The following PHF20 variants were observed in gnomAD, a reference collection of about 807,000 sequenced individuals.
The protein encoded by PHF20 is PHD finger protein 20.
A neutral mutation model predicts 113.5 loss-of-function variants in PHF20; 23 were observed. That is an observed-to-expected ratio of 0.20 (90% CI 0.15 to 0.29). PHF20 has a LOEUF of 0.29. Ranked by LOEUF, PHF20 falls within the 10% of genes least tolerant of loss-of-function variation. The pLI is 1.00. For synonymous variants in PHF20, 434 were observed against 457.3 expected (o/e 0.95, Z 0.65); for missense variants, 943 against 1,219.6 (o/e 0.77, Z 3.38).
At chr20:35,925,913 G>A (rs2055620805) in intron 13 of PHF20, among the ~76,000 whole-genome samples, 1 of 151,722 alleles carries the variant, frequency 6.6e-6, no homozygotes, top group Non-Finnish European at 1.5e-5. Context: ...ATGAGGTTAT[G>A]AGATCGAGAC....
intron 2 of PHF20, among the ~76,000 whole-genome samples, chr20:35,808,900 T>C (rs1242800830): frequency 6.6e-6 from 1 of 151,582 alleles, no homozygotes; most frequent in Non-Finnish European, 1.5e-5. Context: ...AACCGTGTCT[T>C]TATGGAAAAG....
At chr20:35,880,678 AGATGGGATGCG>A in intron 9 of PHF20, among the ~76,000 whole-genome samples, 1 of 152,234 alleles carries the variant, frequency 6.6e-6, no homozygotes, top group Non-Finnish European at 1.5e-5. Flanking sequence ...TACTTTTTCT[AGATGGGATGCG>A]GTGGCTCATG....
chr20:35,870,899 C>A, intron 7 of PHF20, 56 bp from the exon 8 acceptor site: 1 of 1,316,724 alleles, frequency 7.6e-7, no homozygotes, highest in East Asian at 2.4e-5. Context: ...TCTGTAGTAG[C>A]ACAGTTATTT....
At chr20:35,891,356 G>A (rs1230296347) in intron 9 of PHF20, among the ~76,000 whole-genome samples, 2 of 144,790 alleles carry the variant, frequency 1.4e-5, no homozygotes, top group Non-Finnish European at 3.0e-5. Context: ...CAGCCTGGGC[G>A]ACAGAGAGAG....
chr20:35,798,568 C>G (rs911438078), intron 1 of PHF20, among the ~76,000 whole-genome samples: 28 of 151,740 alleles, frequency 1.8e-4, no homozygotes, highest in Non-Finnish European at 1.2e-4. Flanking sequence ...GATTCTCCTG[C>G]CTCAGCCTCC....
At chr20:35,929,346 C>T (rs2055705741) in intron 14 of PHF20, among the ~76,000 whole-genome samples, 1 of 152,254 alleles carries the variant, frequency 6.6e-6, no homozygotes, top group Admixed American at 6.5e-5. Flanking sequence ...ACACTGTCTC[C>T]TTGTACTAGA....
intron 6 of PHF20, among the ~76,000 whole-genome samples, chr20:35,868,371 G>A (rs750013367): frequency 1.3e-5 from 2 of 151,484 alleles, no homozygotes; most frequent in African/African-American, 2.4e-5. Flanking sequence ...AGGCTGAGGC[G>A]GGCAGATCAC....
chr20:35,900,923 A>G (rs1044902762), intron 10 of PHF20, among the ~76,000 whole-genome samples: 1 of 152,158 alleles, frequency 6.6e-6, no homozygotes, highest in Non-Finnish European at 1.5e-5. Context: ...AAGAAAAATA[A>G]TCTATGGTAT....
chr20:35,812,160 A>G (rs2041990341), intron 2 of PHF20, among the ~76,000 whole-genome samples: 1 of 152,148 alleles, frequency 6.6e-6, no homozygotes, highest in Admixed American at 6.6e-5. Flanking sequence ...TTGTTAACCC[A>G]TTTGTTTTAT....
intron 2 of PHF20, among the ~76,000 whole-genome samples, chr20:35,814,483 C>G (rs2042032021): frequency 6.6e-6 from 1 of 151,640 alleles, no homozygotes; most frequent in Non-Finnish European, 1.5e-5. Flanking sequence ...TCTCACGGTG[C>G]TGGGATTACA....
intron 15 of PHF20, among the ~76,000 whole-genome samples, chr20:35,933,003 G>A (rs6058372): frequency 0.083 from 12,630 of 152,042 alleles, 832 homozygotes; most frequent in South Asian, 0.2. Flanking sequence ...AAGTTCATCC[G>A]TGTTATAGCA....
chr20:35,868,678 G>A (rs942801229), intron 6 of PHF20, among the ~76,000 whole-genome samples: 3 of 152,188 alleles, frequency 2.0e-5, no homozygotes, highest in Admixed American at 6.5e-5. Flanking sequence ...AAGGCTTAGC[G>A]TCTGTACTGC....
Position 35,940,901 on chromosome 20 carries a change from A to C in PHF20, c.2750A>C (p.Glu917Ala), listed in dbSNP as rs761032721. 6.2e-7 allele frequency: 1 copy of C among 1,613,986 alleles called. No individual in the cohort carries two copies. Among genetic ancestry groups the C allele is most frequent in the Admixed American group, 1.7e-5 (1 of 59,960 alleles). ...EYVSKKALPEEAPARKLLDRG... is the reference protein window; with the variant it reads ...EYVSKKALPEAAPARKLLDRG... ...GTCTCCAAAAAGGCCCTACCAGAAG[A>C]AGCCCCTGCTCGGAAGCTGCTGGAC... The change falls in exon 17 of 18, where the codon GAA (glutamate) becomes GCA (alanine). Residue 917 changes from glutamate (E) to alanine (A), a missense_variant. Physicochemically the swap from Glu to Ala is moderately radical, Grantham distance 107 (BLOSUM62 -1). Coordinates refer to ENST00000374012, the MANE Select transcript of PHF20 (RefSeq NM_016436.5).
intron 1 of PHF20, among the ~76,000 whole-genome samples, chr20:35,794,555 A>C (rs1204520880): frequency 6.6e-6 from 1 of 152,138 alleles, no homozygotes; most frequent in Non-Finnish European, 1.5e-5. Flanking sequence ...GTCACCCTTT[A>C]ATGGAGGTTG....
chr20:35,844,416 G>GTTTTTTTTTTTTTT (rs1568641913), intron 3 of PHF20, among the ~76,000 whole-genome samples: 1 of 73,806 alleles, frequency 1.4e-5, no homozygotes. Flanking sequence ...TTTTTTTTTT[G>GTTTTTTTTTTTTTT]GTTTTTTTTT....
chr20:35,838,482 G>A (rs2042480892), intron 2 of PHF20: 1 of 151,886 alleles, frequency 6.6e-6, no homozygotes, highest in Non-Finnish European at 1.5e-5. Context: ...CCACATAAAT[G>A]GTAGTGCATT....
At chr20:35,917,251 A>C (rs2055420694) in intron 12 of PHF20, 2 of 617,728 alleles carry the variant, frequency 3.2e-6, no homozygotes, top group African/African-American at 1.8e-5. Flanking sequence ...GTTGGGCTTC[A>C]TTCTCTCAGT....
intron 2 of PHF20, among the ~76,000 whole-genome samples, chr20:35,813,658 G>A (rs1423758361): frequency 6.6e-6 from 1 of 152,132 alleles, no homozygotes; most frequent in Non-Finnish European, 1.5e-5. Context: ...AGGAGTTCCA[G>A]ACAAGCCTGG....
At chr20:35,812,128 A>T (rs2041989801) in intron 2 of PHF20, among the ~76,000 whole-genome samples, 1 of 152,140 alleles carries the variant, frequency 6.6e-6, no homozygotes, top group African/African-American at 2.4e-5. Context: ...AGGACATTAT[A>T]CCTTCCACCT....
Sources: allele counts gnomAD v4.1 joint callset (sites outside exome capture counted in the v4.1 genomes callset), GRCh38; gene constraint gnomAD v4.1.1; transcripts MANE v1.5; gene names NCBI Gene and HGNC (gene_info 2026-07-23, HGNC 2026-07-21).